The following KIRREL3 variants were observed in gnomAD, a reference collection of about 807,000 sequenced individuals.
KIRREL3 encodes kin of IRRE-like protein 3.
KIRREL3 carries 36 observed loss-of-function variants against 89.7 expected under a neutral mutation model. That is an observed-to-expected ratio of 0.40 (90% CI 0.31 to 0.53). The LOEUF is 0.53. Among genes scored for constraint, KIRREL3 ranks in the 20% least tolerant of loss-of-function variants. The pLI is 0.49. For missense variants in KIRREL3, 864 were observed against 1,056.6 expected (o/e 0.82, Z 2.53); for synonymous variants, 445 against 441.4 (o/e 1.01, Z -0.10).
chr11:126,510,156 AAAGGAACAT>A (rs1178930616), intron 4 of KIRREL3, among the ~76,000 whole-genome samples: 2 of 152,120 alleles, frequency 1.3e-5, no homozygotes, highest in African/African-American at 2.4e-5. Flanking sequence ...GCTGGATAGG[AAAGGAACAT>A]CCTTAAATGG....
rs944832621 is a variant in KIRREL3, at chr11:126,609,541, A to C, written c.56-46629T>G. Among the ~76,000 whole-genome samples the C allele has an allele frequency of 2.0e-5, 3 of 152,134 alleles. No homozygotes were observed. The highest frequency in any genetic ancestry group is 4.4e-5 in the Non-Finnish European group (3 of 68,026). Reference sequence around the variant, plus strand: ...GGGGGACCTGCTGGGAGAGAGGGGCAGGGGAATGTGCCTGAGATCAGACAG... The same window carrying C: ...GGGGGACCTGCTGGGAGAGAGGGGCCGGGGAATGTGCCTGAGATCAGACAG... On this transcript the variant is annotated intron_variant, in intron 1 of 16. Coordinates refer to ENST00000525144, the MANE Select transcript of KIRREL3 (RefSeq NM_032531.4). The surrounding 1 kb of genome is among the most constrained non-coding windows in gnomAD (Gnocchi z 5.0).
chr11:126,470,659 A>G (rs2134275164), intron 5 of KIRREL3, among the ~76,000 whole-genome samples: 1 of 152,298 alleles, frequency 6.6e-6, no homozygotes, highest in South Asian at 2.1e-4. Context: ...GTCTCTGAGG[A>G]CAAGGAAAAC....
Position 126,953,280 on chromosome 11 carries a change from C to A in KIRREL3, c.55+47175G>T. ...TTCTCACTCATAAGTGGGTGTCGAACAATGAGAACACATGGACACAGGGAG... is the reference window on the plus strand; with the variant it reads ...TTCTCACTCATAAGTGGGTGTCGAAAAATGAGAACACATGGACACAGGGAG... On this transcript the variant is annotated intron_variant, in intron 1 of 16. Transcript: ENST00000525144. This position sits in a 1 kb window ranked among gnomAD's most constrained non-coding sequence, Gnocchi z 5.2. Among the ~76,000 whole-genome samples the A allele has an allele frequency of 1.4e-5, 2 of 144,828 alleles. No individual in the cohort carries two copies. Among genetic ancestry groups the A allele is most frequent in the Admixed American group, 7.2e-5 (1 of 13,924 alleles).
At chr11:126,446,385 G>A (rs1955816330) in intron 9 of KIRREL3, among the ~76,000 whole-genome samples, 1 of 144,844 alleles carries the variant, frequency 6.9e-6, no homozygotes, top group South Asian at 2.2e-4. Flanking sequence ...TGCCCAGGCT[G>A]GACTTAAACT....
intron 1 of KIRREL3, among the ~76,000 whole-genome samples, chr11:126,799,447 TGCATCTCTGTG>T: frequency 1.9e-5 from 1 of 52,076 alleles, no homozygotes; most frequent in Non-Finnish European, 4.4e-5. Flanking sequence ...TCTGTGTGCA[TGCATCTCTGTG>T]TGCATGTGTG....
rs182884986 is a variant in KIRREL3, at chr11:126,903,292, T to G, written c.55+97163A>C. ...TCACATTTTTCTTTTCTTTTTTTTT[T>G]AAACTAATTTTTTCCTCTTTTTCTC... is the stretch of plus-strand genomic sequence containing the variant. On this transcript the variant is annotated intron_variant, in intron 1 of 16. Transcript: ENST00000525144. The surrounding 1 kb of genome is among the most constrained non-coding windows in gnomAD (Gnocchi z 4.5). Among the ~76,000 whole-genome samples the G allele has an allele frequency of 6.6e-6, 1 of 152,226 alleles. No homozygotes were observed. Among genetic ancestry groups the G allele is most frequent in the East Asian group, 1.9e-4 (1 of 5,180 alleles).
At chr11:126,848,563 C>T (rs1367908350) in intron 1 of KIRREL3, among the ~76,000 whole-genome samples, 1 of 152,142 alleles carries the variant, frequency 6.6e-6, no homozygotes, top group Non-Finnish European at 1.5e-5. Context: ...TAATCCTGGA[C>T]ATATATTGGA....
rs757093168 is a variant in KIRREL3, at chr11:126,516,948, G to A, written c.433+4367C>T. On this transcript the variant is annotated intron_variant, in intron 4 of 16. Coordinates refer to ENST00000525144, the MANE Select transcript of KIRREL3 (RefSeq NM_032531.4). The surrounding 1 kb of genome is among the most constrained non-coding windows in gnomAD (Gnocchi z 4.9). ...AAAAATTAGCCAGGCGTGGTGGCAC[G>A]TGCCTGTAATCCCAGCTACTCAGGA... Among the ~76,000 whole-genome samples, 1 of 152,076 alleles carries A rather than the reference G, an allele frequency of 6.6e-6. No homozygotes were observed. The highest frequency in any genetic ancestry group is 2.1e-4 in the South Asian group (1 of 4,832).
intron 8 of KIRREL3, among the ~76,000 whole-genome samples, chr11:126,447,410 G>A (rs1955861488): frequency 6.6e-6 from 1 of 152,206 alleles, no homozygotes. Context: ...TCTGGGGTGG[G>A]ATGGGGGCTC....
intron 1 of KIRREL3, among the ~76,000 whole-genome samples, chr11:126,923,396 T>TTC (rs10654309): frequency 0.76 from 73,322 of 96,912 alleles, 25,452 homozygotes; most frequent in Middle Eastern, 0.87. Context: ...CTTCCTCTTC[T>TTC]TTCTTCTTCT....
rs1565423210 is a variant in KIRREL3, at chr11:126,923,193, T to TTCTTCTCC, written c.55+77261_55+77262insGGAGAAGA. On this transcript the variant is annotated intron_variant, in intron 1 of 16. Coordinates refer to ENST00000525144, the MANE Select transcript of KIRREL3 (RefSeq NM_032531.4). ...TTCTTCTTCTCTTCTTCTTCTCTTC[T>TTCTTCTCC]TCTTCTTCTTCTTCTTCTTCTTCTT... Among the ~76,000 whole-genome samples the TTCTTCTCC allele has an allele frequency of 7.9e-4, 8 of 10,148 alleles. 3 individuals are homozygous for TTCTTCTCC. The highest frequency in any genetic ancestry group is 8.2e-4 in the Non-Finnish European group (5 of 6,126). The allele number at this position is 10,148 out of a possible 152,430, so 6.7% of individuals were successfully genotyped here. A position where few individuals can be genotyped will look rare whatever the true frequency, so the allele number is the denominator to read the frequency against.
intron 1 of KIRREL3, among the ~76,000 whole-genome samples, chr11:126,741,938 T>G (rs1227614234): frequency 2.0e-5 from 3 of 152,184 alleles, no homozygotes; most frequent in Non-Finnish European, 4.4e-5. Flanking sequence ...ATTCCATTGC[T>G]CTTTTCATTA....
In KIRREL3 at chr11:126,683,761, T is replaced by G. The variant is rs959315911; in HGVS notation, c.56-120849A>C. 6.6e-6 allele frequency among the ~76,000 whole-genome samples: 1 copy of G among 152,236 alleles called. No individual in the cohort carries two copies. Among genetic ancestry groups the G allele is most frequent in the Non-Finnish European group, 1.5e-5 (1 of 68,034 alleles). Reference sequence around the variant, plus strand: ...GAGGAGTGAATGTCTCCAATTAGGCTGCATTCAGCAGGCCTGGCAGCCTCC... The same window carrying G: ...GAGGAGTGAATGTCTCCAATTAGGCGGCATTCAGCAGGCCTGGCAGCCTCC... On this transcript the variant is annotated intron_variant, in intron 1 of 16. Coordinates refer to ENST00000525144, the MANE Select transcript of KIRREL3 (RefSeq NM_032531.4). This position sits in a 1 kb window ranked among gnomAD's most constrained non-coding sequence, Gnocchi z 5.2.
chr11:126,779,754 C>T (rs1245468841), intron 1 of KIRREL3, among the ~76,000 whole-genome samples: 3 of 151,998 alleles, frequency 2.0e-5, no homozygotes, highest in South Asian at 2.1e-4. Context: ...GCTCTGTCCA[C>T]CGTAGTTACT....
intron 2 of KIRREL3, among the ~76,000 whole-genome samples, chr11:126,536,642 C>CTTTTTTTT (rs145142970): frequency 1.0e-4 from 8 of 77,166 alleles, no homozygotes; most frequent in Admixed American, 1.7e-4. Context: ...CTGGGCAATG[C>CTTTTTTTT]TTTTTTTTTT....
intron 1 of KIRREL3, among the ~76,000 whole-genome samples, chr11:126,585,220 CTTT>C (rs3042225): frequency 0.014 from 1,127 of 81,896 alleles, 47 homozygotes; most frequent in East Asian, 0.025. Flanking sequence ...CGCCCGGCCT[CTTT>C]TTTTTTTTTT....
At chr11:126,673,603 C>G (rs1946054712) in intron 1 of KIRREL3, among the ~76,000 whole-genome samples, 1 of 152,158 alleles carries the variant, frequency 6.6e-6, no homozygotes, top group South Asian at 2.1e-4. Flanking sequence ...TCAGGGCTGG[C>G]ACAGGGACTG....
intron 1 of KIRREL3, among the ~76,000 whole-genome samples, chr11:126,916,414 C>T (rs778140436): frequency 2.0e-5 from 3 of 152,150 alleles, no homozygotes; most frequent in Non-Finnish European, 2.9e-5. Context: ...ATTTTTAACA[C>T]GTACCCAGGT....
At chr11:126,950,170 G>A (rs1948736795) in intron 1 of KIRREL3, among the ~76,000 whole-genome samples, 1 of 152,168 alleles carries the variant, frequency 6.6e-6, no homozygotes, top group South Asian at 2.1e-4. Context: ...TCAGGAGATA[G>A]AGAACATCCT....
Sources: allele counts gnomAD v4.1 joint callset (sites outside exome capture counted in the v4.1 genomes callset), GRCh38; gene constraint gnomAD v4.1.1; non-coding constraint Gnocchi (gnomAD v3.1); transcripts MANE v1.5; gene names NCBI Gene and HGNC (gene_info 2026-07-23, HGNC 2026-07-21).